The following TCF7L1 variants were observed in gnomAD, a reference collection of about 807,000 sequenced individuals.
TCF7L1 encodes transcription factor 7 like 1.
In TCF7L1, 18 loss-of-function variants were observed where a neutral mutation model predicts 63.7. That is an observed-to-expected ratio of 0.28 (90% CI 0.20 to 0.42). TCF7L1 has a LOEUF of 0.42. Ranked by LOEUF, TCF7L1 falls within the 10% of genes least tolerant of loss-of-function variation. TCF7L1 has a pLI of 1.00. For synonymous variants in TCF7L1, 355 were observed against 340.9 expected, an observed-to-expected ratio of 1.04 and a Z score of -0.46; for missense variants, 654 against 779.3, an observed-to-expected ratio of 0.84 and a Z score of 1.91.
At chr2:85,251,249 C>G (rs1335082448) in intron 3 of TCF7L1, among the ~76,000 whole-genome samples, 2 of 152,138 alleles carry the variant, frequency 1.3e-5, no homozygotes, top group African/African-American at 4.8e-5. Context: ...TTTGCAATAA[C>G]CAAGAATAGG....
chr2:85,224,467 A>G (rs191977801), intron 3 of TCF7L1, among the ~76,000 whole-genome samples: 1 of 152,210 alleles, frequency 6.6e-6, no homozygotes, highest in Non-Finnish European at 1.5e-5. Context: ...CCTGACTTTA[A>G]TGATCGCCAT....
intron 4 of TCF7L1, 106 bp from the exon 5 acceptor site, chr2:85,302,378 G>A: frequency 6.7e-7 from 1 of 1,493,038 alleles, no homozygotes; most frequent in Non-Finnish European, 9.3e-7. Flanking sequence ...GACTGAATGG[G>A]ATGTTGCCTG....
At chr2:85,213,074 C>T (rs771615504) in intron 3 of TCF7L1, among the ~76,000 whole-genome samples, 1 of 145,590 alleles carries the variant, frequency 6.9e-6, no homozygotes, top group Non-Finnish European at 1.5e-5. Flanking sequence ...ACTGGTGACC[C>T]AAGGGAGGCC....
chr2:85,236,590 G>A (rs567487629), intron 3 of TCF7L1, among the ~76,000 whole-genome samples: 1 of 152,248 alleles, frequency 6.6e-6, no homozygotes, highest in African/African-American at 2.4e-5. Flanking sequence ...CTGGCTGGGA[G>A]GCATCCCATA....
At chr2:85,226,604 C>G (rs1277033126) in intron 3 of TCF7L1, among the ~76,000 whole-genome samples, 2 of 151,992 alleles carry the variant, frequency 1.3e-5, no homozygotes, top group Non-Finnish European at 1.5e-5. Context: ...TCTCTTAGTT[C>G]CCATTCTCCT....
intron 3 of TCF7L1, among the ~76,000 whole-genome samples, chr2:85,140,913 C>CAG (rs71245379): frequency 6.6e-6 from 1 of 151,310 alleles, no homozygotes; most frequent in Non-Finnish European, 1.5e-5. Flanking sequence ...GAGAGAGAGA[C>CAG]AGAAGAGAGA....
intron 3 of TCF7L1, among the ~76,000 whole-genome samples, chr2:85,249,082 G>A (rs966429511): frequency 6.6e-6 from 1 of 152,160 alleles, no homozygotes; most frequent in Admixed American, 6.5e-5. Flanking sequence ...GAAATACCTA[G>A]CCTAATGTCT....
intron 3 of TCF7L1, among the ~76,000 whole-genome samples, chr2:85,218,584 C>G (rs1679764797): frequency 6.6e-6 from 1 of 150,896 alleles, no homozygotes; most frequent in Non-Finnish European, 1.5e-5. Context: ...TTCCAAACAT[C>G]TATATTAAAA....
intron 3 of TCF7L1, among the ~76,000 whole-genome samples, chr2:85,236,322 G>A (rs2104318534): frequency 6.6e-6 from 1 of 152,274 alleles, no homozygotes; most frequent in South Asian, 2.1e-4. Context: ...TCTGTTCTTT[G>A]CTTTGAGATG....
intron 3 of TCF7L1, among the ~76,000 whole-genome samples, chr2:85,176,143 A>C (rs1163666426): frequency 6.6e-6 from 1 of 152,254 alleles, no homozygotes; most frequent in African/African-American, 2.4e-5. Flanking sequence ...GGGGTGAGCC[A>C]ACAGGCTGGA....
intron 3 of TCF7L1, among the ~76,000 whole-genome samples, chr2:85,263,659 C>T (rs1680906715): frequency 6.6e-6 from 1 of 152,154 alleles, no homozygotes; most frequent in South Asian, 2.1e-4. Context: ...AGGATCAGGG[C>T]TGGATTTTGA....
intron 3 of TCF7L1, among the ~76,000 whole-genome samples, chr2:85,237,600 C>T (rs888151184): frequency 2.0e-5 from 3 of 152,042 alleles, no homozygotes; most frequent in Admixed American, 1.3e-4. Context: ...GGGTTGGGGG[C>T]AGTGTTCCCT....
intron 4 of TCF7L1, among the ~76,000 whole-genome samples, chr2:85,287,307 C>A (rs1356126921): frequency 1.3e-5 from 2 of 152,152 alleles, no homozygotes; most frequent in African/African-American, 4.8e-5. Context: ...CTTTTTGAAG[C>A]TTCCATTTTC....
chr2:85,262,023 A>T, intron 3 of TCF7L1: 1 of 522,608 alleles, frequency 1.9e-6, no homozygotes, highest in Non-Finnish European at 3.8e-6. Flanking sequence ...ACAATTTCTC[A>T]CTTCATTGAT....
chr2:85,262,884 G>T (rs1005577009), intron 3 of TCF7L1, among the ~76,000 whole-genome samples: 1 of 152,212 alleles, frequency 6.6e-6, no homozygotes, highest in African/African-American at 2.4e-5. Context: ...ACTTGCTACT[G>T]CAGTGGCTTC....
chr2:85,219,398 A>T (rs182380582), intron 3 of TCF7L1, among the ~76,000 whole-genome samples: 50 of 152,340 alleles, frequency 3.3e-4, no homozygotes, highest in African/African-American at 1.1e-3. Flanking sequence ...ACTACACATG[A>T]GCACAAGGGA....
At chr2:85,254,380 C>G (rs1027776894) in intron 3 of TCF7L1, among the ~76,000 whole-genome samples, 1 of 152,246 alleles carries the variant, frequency 6.6e-6, no homozygotes, top group Non-Finnish European at 1.5e-5. Context: ...GCCAGACTGG[C>G]AAGGGGGCTC....
rs113834088 is a variant in TCF7L1, at chr2:85,240,541, G to T, written c.442-42954G>T. Among the ~76,000 whole-genome samples, 815 of 151,996 alleles carry T rather than the reference G, an allele frequency of 5.4e-3. 9 individuals are homozygous for T. The highest frequency in any genetic ancestry group is 0.018 in the African/African-American group (765 of 41,406). ...AATCCCAGCACTTTGGGAGGCCAAG[G>T]TGGGTGGATCGCCTGAGGTCAGGAG... On this transcript the variant is annotated intron_variant, in intron 3 of 11. Coordinates refer to ENST00000282111, the MANE Select transcript of TCF7L1 (RefSeq NM_031283.3).
chr2:85,233,992 T>C (rs1319002303), intron 3 of TCF7L1: 2 of 152,186 alleles, frequency 1.3e-5, no homozygotes, highest in African/African-American at 2.4e-5. Context: ...TTGTTTCTAG[T>C]GTGGGAAGAT....
Sources: gnomAD v4.1 joint callset for allele counts (sites outside exome capture counted in the v4.1 genomes callset) on GRCh38, gnomAD v4.1.1 for gene constraint, MANE v1.5 for transcripts, NCBI Gene and HGNC (gene_info 2026-07-23, HGNC 2026-07-21) for gene names.